POLR1A: variants seen among roughly 807,000 people sequenced by gnomAD.
POLR1A encodes DNA-directed RNA polymerase I subunit RPA1.
In POLR1A, 84 loss-of-function variants were observed where a neutral mutation model predicts 205.3. The observed-to-expected ratio is 0.41, with a 90% CI of 0.34 to 0.49. The LOEUF (loss-of-function observed/expected upper bound fraction) is 0.49. Ranked by LOEUF, POLR1A falls within the 20% of genes least tolerant of loss-of-function variation. POLR1A has a pLI of 0.22. For synonymous variants in POLR1A, 799 were observed against 863.7 expected, an observed-to-expected ratio of 0.93 and a Z score of 1.31; for missense variants, 1,645 against 2,204.5, an observed-to-expected ratio of 0.75 and a Z score of 5.08.
chr2:86,037,790 T>C (rs1672525760), intron 27 of POLR1A, among the ~76,000 whole-genome samples: 1 of 152,198 alleles, frequency 6.6e-6, no homozygotes, highest in Non-Finnish European at 1.5e-5. Context: ...AGTAAACAAG[T>C]GACCCAAGAA....
chr2:86,076,277 A>G (rs1489897068), intron 11 of POLR1A, among the ~76,000 whole-genome samples: 1 of 152,190 alleles, frequency 6.6e-6, no homozygotes, highest in African/African-American at 2.4e-5. Context: ...CCGCGCAGCA[A>G]CACTTTCTCA....
rs372234146 is a variant in POLR1A at position 86,052,953 on chromosome 2, C to T, written c.2256G>A (p.Ala752=). The part of the protein sequence containing the change: ...GELLCGVLDK[A]HYGSSAYGLV... Reference sequence around the variant, plus strand: ...GGCCGTAGGCGGAGCTCCCATAGTGCGCCTTGTCCAGCACTCCGCAGAGCA... The same window carrying T: ...GGCCGTAGGCGGAGCTCCCATAGTGTGCCTTGTCCAGCACTCCGCAGAGCA... Residue 752 remains alanine (A), a synonymous_variant, in exon 16 of 34, where the codon GCG becomes GCA. Coordinates refer to ENST00000263857, the MANE Select transcript of POLR1A (RefSeq NM_015425.6). 1.4e-5 allele frequency: 22 copies of T among 1,607,532 alleles called. No individual in the cohort carries two copies. Among genetic ancestry groups the T allele is most frequent in the South Asian group, 9.9e-5 (9 of 90,470 alleles).
At chr2:86,096,201 A>G (rs550846380) in intron 3 of POLR1A, among the ~76,000 whole-genome samples, 1 of 152,194 alleles carries the variant, frequency 6.6e-6, no homozygotes, top group Non-Finnish European at 1.5e-5. Flanking sequence ...GCTACCAAAA[A>G]AATACCTAGG....
At chr2:86,079,508 C>T (rs959150272) in intron 9 of POLR1A, among the ~76,000 whole-genome samples, 1 of 152,080 alleles carries the variant, frequency 6.6e-6, no homozygotes, top group Admixed American at 6.5e-5. Flanking sequence ...TCAGAGGATG[C>T]TATTTGCCCC....
Position 86,045,390 on chromosome 2 carries a change from G to T in POLR1A, c.2887-30C>A, listed in dbSNP as rs754367056. On this transcript the variant is annotated intron_variant, in intron 20 of 33. Coordinates refer to ENST00000263857, the MANE Select transcript of POLR1A (RefSeq NM_015425.6). ...AGAGAATGGGACCCAGGTCCCAAAGGTGACAGTGAGGACAGTGCGCTTCCT... is the reference window on the plus strand; with the variant it reads ...AGAGAATGGGACCCAGGTCCCAAAGTTGACAGTGAGGACAGTGCGCTTCCT... 2.8e-5 allele frequency: 43 copies of T among 1,554,914 alleles called. No homozygotes were observed. The East Asian group carries it at 9.2e-4, about 33-fold the overall frequency.
At chr2:86,029,074 C>T (rs1426794402) in intron 31 of POLR1A, among the ~76,000 whole-genome samples, 1 of 152,242 alleles carries the variant, frequency 6.6e-6, no homozygotes, top group Non-Finnish European at 1.5e-5. Context: ...AGCAGCGACA[C>T]ATTACACACC....
chr2:86,105,861 G>C lies in POLR1A; in HGVS notation c.-85C>G, dbSNP rs1465258344. 16 of 1,245,156 alleles carry C rather than the reference G, an allele frequency of 1.3e-5. No homozygotes were observed. The highest frequency in any genetic ancestry group is 1.9e-5 in the Non-Finnish European group (16 of 862,802). The allele number at this position is 1,245,156 out of a possible 1,614,324, so 77.1% of individuals were successfully genotyped here. The stretch of plus-strand genomic sequence containing the variant: ...TTCTTAATTCAACCTCAAGCCCGGA[G>C]TCACCACGCGATTCAACGTGCGCTT... On this transcript the variant is annotated 5_prime_UTR_variant, in exon 1 of 34. Coordinates refer to ENST00000263857, the MANE Select transcript of POLR1A (RefSeq NM_015425.6).
chr2:86,047,157 G>C lies in POLR1A; in HGVS notation c.2733+8C>G. Reference sequence around the variant, plus strand: ...CCTGTAAAGCTGCCAACCCGCCTCTGCACATACCTGCATCGTGTTCACAGT... The same window carrying C: ...CCTGTAAAGCTGCCAACCCGCCTCTCCACATACCTGCATCGTGTTCACAGT... On this transcript the variant is annotated splice_region_variant and intron_variant, in intron 19 of 33. Coordinates refer to ENST00000263857, the MANE Select transcript of POLR1A (RefSeq NM_015425.6). 6.2e-7 allele frequency: 1 copy of C among 1,608,616 alleles called. No individual in the cohort carries two copies. Among genetic ancestry groups the C allele is most frequent in the South Asian group, 1.1e-5 (1 of 90,922 alleles).
intron 2 of POLR1A, among the ~76,000 whole-genome samples, 186 bp from the exon 3 acceptor site, chr2:86,098,946 T>C (rs759441199): frequency 3.3e-5 from 5 of 152,304 alleles, no homozygotes; most frequent in African/African-American, 4.8e-5. Flanking sequence ...TCTATTTTCT[T>C]TTAAGGTTTT....
In POLR1A at chr2:86,041,652, C is replaced by G. The variant is rs148206969; in HGVS notation, c.3572+237G>C. 3.4e-3 allele frequency among the ~76,000 whole-genome samples: 525 copies of G among 152,302 alleles called. 3 individuals are homozygous for G. Among genetic ancestry groups the G allele is most frequent in the Non-Finnish European group, 4.5e-3 (304 of 68,016 alleles). On this transcript the variant is annotated intron_variant, in intron 24 of 33. Transcript: ENST00000263857. ...ACTTTCCTGCAAGCCTCCCAGCAGA[C>G]CACTATCCCTATCTTGGCCCAGATG...
intron 28 of POLR1A, among the ~76,000 whole-genome samples, chr2:86,033,298 C>A (rs572785769): frequency 6.6e-6 from 1 of 152,348 alleles, no homozygotes; most frequent in South Asian, 2.1e-4. Flanking sequence ...CTGGGCAAGT[C>A]GAAGGCAGAG....
At chr2:86,033,863 C>T (rs954174076) in intron 27 of POLR1A, 76 bp from the exon 28 acceptor site, 132 of 1,550,812 alleles carry the variant, frequency 8.5e-5, no homozygotes, top group Admixed American at 3.1e-4. Flanking sequence ...GGGGATAGGA[C>T]GCTGAGGGAT....
At chr2:86,058,398 CTT>C (rs11350157) in intron 14 of POLR1A, among the ~76,000 whole-genome samples, 115 of 120,064 alleles carry the variant, frequency 9.6e-4, no homozygotes, top group African/African-American at 3.3e-3. Flanking sequence ...CTCACCCAGC[CTT>C]TTTTTTTTTT....
chr2:86,086,020 G>A (rs1673498022), intron 6 of POLR1A, among the ~76,000 whole-genome samples: 1 of 152,138 alleles, frequency 6.6e-6, no homozygotes, highest in African/African-American at 2.4e-5. Flanking sequence ...CTCCTTGTGG[G>A]ATCACCAGTC....
chr2:86,040,162 C>T lies in POLR1A; in HGVS notation c.3740+230G>A, dbSNP rs79057302. ...ACAGGCATCCCCAGGAACGTGGATG[C>T]AGGAGTTGGCAGAGGAATAAATGGA... On this transcript the variant is annotated intron_variant, in intron 25 of 33. Transcript: ENST00000263857. 212 of 397,516 alleles carry T rather than the reference C, an allele frequency of 5.3e-4. No individual in the cohort carries two copies. In the East Asian group the frequency reaches 6.6e-3, roughly 12 times the overall value. The allele number at this position is 397,516 out of a possible 1,614,324, so 24.6% of individuals were successfully genotyped here. A position where few individuals can be genotyped will look rare whatever the true frequency, so the allele number is the denominator to read the frequency against.
intron 11 of POLR1A, among the ~76,000 whole-genome samples, chr2:86,077,130 G>A (rs989239290): frequency 3.3e-5 from 5 of 152,172 alleles, no homozygotes; most frequent in African/African-American, 9.7e-5. Context: ...AGGGGGTGGC[G>A]TGCAAGGAAA....
In POLR1A at chr2:86,065,286, C is replaced by T; in HGVS notation, c.2046G>A (p.Trp682Ter). 6.2e-7 allele frequency: 1 copy of T among 1,613,636 alleles called. No individual in the cohort carries two copies. The highest frequency in any genetic ancestry group is 8.5e-7 in the Non-Finnish European group (1 of 1,179,810). Reference sequence around the variant, plus strand: ...CTCTCCCAATTACCTGTTTTCCTGTCCACAGCGGAAAGGGCTTCAGGATGG... The same window carrying T: ...CTCTCCCAATTACCTGTTTTCCTGTTCACAGCGGAAAGGGCTTCAGGATGG... ...SPSILKPFPL[W>*]TGKQVVSTLL... The change falls in exon 14 of 34, where the codon TGG (tryptophan) becomes TGA (stop). Residue 682 changes from tryptophan to a stop codon, truncating the protein, a stop_gained. Coordinates refer to ENST00000263857, the MANE Select transcript of POLR1A (RefSeq NM_015425.6). LOFTEE classifies it high-confidence loss of function.
Position 86,086,473 on chromosome 2 carries a change from C to T in POLR1A, c.730+2093G>A, listed in dbSNP as rs1673506664. Among the ~76,000 whole-genome samples the T allele has an allele frequency of 1.3e-5, 2 of 152,204 alleles. 1 individual carries two copies. The highest frequency in any genetic ancestry group is 4.1e-4 in the South Asian group (2 of 4,830). On this transcript the variant is annotated intron_variant, in intron 6 of 33. Transcript: ENST00000263857. The stretch of plus-strand genomic sequence containing the variant: ...TCACTTTCCTCCACATCACCTGCTC[C>T]CCAGGGTTACTGATCTGTGTCACTT...
At chr2:86,033,422 C>T (rs567699354) in intron 28 of POLR1A, among the ~76,000 whole-genome samples, 5 of 152,266 alleles carry the variant, frequency 3.3e-5, no homozygotes, top group East Asian at 1.9e-4. Flanking sequence ...AGCTATGATG[C>T]GGAGGCCTGC....
Sources: gnomAD v4.1 joint callset for allele counts (sites outside exome capture counted in the v4.1 genomes callset) on GRCh38, gnomAD v4.1.1 for gene constraint, MANE v1.5 for transcripts, NCBI Gene and HGNC (gene_info 2026-07-23, HGNC 2026-07-21) for gene names.